Variants in MR1 observed in about 807,000 individuals in gnomAD.
MR1 encodes major histocompatibility complex class I-related protein 1.
A neutral mutation model predicts 37.8 loss-of-function variants in MR1; 44 were observed. The ratio of observed to expected loss-of-function variants is 1.16; its 90% CI spans 0.91 to 1.50. MR1 has a LOEUF of 1.50. MR1 is among the 40% of genes most tolerant of loss of function. The pLI is 0.00. For synonymous variants in MR1, 153 were observed against 155.8 expected (o/e 0.98, Z 0.13); for missense variants, 386 against 419.1 (o/e 0.92, Z 0.69).
chr1:181,043,356 C>T (rs1469075466), intron 1 of MR1, among the ~76,000 whole-genome samples: 4 of 152,180 alleles, frequency 2.6e-5, no homozygotes, highest in Non-Finnish European at 4.4e-5. Context: ...GCCCATGGGG[C>T]GGGGATACCT....
chr1:181,045,870 G>A (rs980425794), intron 1 of MR1, among the ~76,000 whole-genome samples: 9 of 152,234 alleles, frequency 5.9e-5, no homozygotes, highest in African/African-American at 2.2e-4. Flanking sequence ...TGCGGGCGGC[G>A]CTTGCGGGCC....
At chr1:181,037,964 C>A (rs890293019) in intron 1 of MR1, among the ~76,000 whole-genome samples, 1 of 151,852 alleles carries the variant, frequency 6.6e-6, no homozygotes, top group African/African-American at 2.4e-5. Context: ...AAAGATCAGG[C>A]CTTCTCCTCT....
At chr1:181,045,844 G>T (rs564236701) in intron 1 of MR1, among the ~76,000 whole-genome samples, 1 of 152,226 alleles carries the variant, frequency 6.6e-6, no homozygotes, top group Non-Finnish European at 1.5e-5. Context: ...GGAGAGGCGC[G>T]AGCGGGAACC....
At position 181,054,699 on chromosome 1, in the gene MR1, A is replaced by T. The variant is rs536473637; in HGVS notation, c.986-526A>T. On this transcript the variant is annotated intron_variant, in intron 5 of 5. Transcript: ENST00000367580. The stretch of plus-strand genomic sequence containing the variant: ...AAACCCTGCCTCTACTGAAAATATT[A>T]AAAAAAAAAAAATTAGCTGGGCGTG... 3.0e-3 allele frequency among the ~76,000 whole-genome samples: 165 copies of T among 55,650 alleles called. 1 individual carries two copies. The highest frequency in any genetic ancestry group is 3.8e-3 in the Non-Finnish European group (131 of 34,554). 36.5% of individuals were successfully genotyped at this position (55,650 alleles called of 152,430 possible). A position where few individuals can be genotyped will look rare whatever the true frequency, so the allele number is the denominator to read the frequency against.
At chr1:181,055,194 G>A (rs1220966666) in intron 5 of MR1, 31 bp from the exon 6 acceptor site, 1 of 1,608,900 alleles carries the variant, frequency 6.2e-7, no homozygotes, top group Non-Finnish European at 8.5e-7. Context: ...AAACATTCTT[G>A]TAATCTGACT....
rs536946630 is a variant in MR1 at position 181,048,141 on chromosome 1, C to T, written c.68-911C>T. Among the ~76,000 whole-genome samples the T allele has an allele frequency of 4.4e-4, 66 of 151,708 alleles. No individual in the cohort carries two copies. In the South Asian group the frequency reaches 5.6e-3, roughly 13 times the overall value. ...GCTGGGGCAGAGAATTGCTTGAACC[C>T]GGTAGGCGGAGGTTGCAGTGAGCCG... On this transcript the variant is annotated intron_variant, in intron 1 of 5. Transcript: ENST00000367580.
chr1:181,042,706 T>C (rs1344466287), intron 1 of MR1, among the ~76,000 whole-genome samples: 2 of 151,928 alleles, frequency 1.3e-5, no homozygotes, highest in Non-Finnish European at 2.9e-5. Flanking sequence ...CTTGGGAGGC[T>C]GGGGCAGGGA....
intron 1 of MR1, among the ~76,000 whole-genome samples, chr1:181,043,213 G>C (rs530230791): frequency 9.2e-5 from 14 of 152,308 alleles, no homozygotes; most frequent in African/African-American, 3.4e-4. Context: ...CCACAGGAAG[G>C]GAAGGGGGAA....
intron 2 of MR1, chr1:181,049,657 C>T: frequency 2.0e-6 from 1 of 490,502 alleles, no homozygotes; most frequent in Non-Finnish European, 3.7e-6. Context: ...TAGTGACTTG[C>T]TTATGAGTAT....
intron 1 of MR1, among the ~76,000 whole-genome samples, chr1:181,039,574 G>T (rs1657446810): frequency 6.6e-6 from 1 of 152,020 alleles, no homozygotes; most frequent in Non-Finnish European, 1.5e-5. Context: ...ATAAATAATT[G>T]CCCCCATGAG....
chr1:181,049,952 A>C (rs1200391438), intron 2 of MR1, 59 bp from the exon 3 acceptor site: 1 of 1,558,582 alleles, frequency 6.4e-7, no homozygotes, highest in African/African-American at 1.4e-5. Context: ...TGCTCCCAGC[A>C]CTTGAGAGCC....
At chr1:181,046,645 G>C (rs545337929) in intron 1 of MR1, among the ~76,000 whole-genome samples, 12 of 151,994 alleles carry the variant, frequency 7.9e-5, no homozygotes, top group Admixed American at 2.0e-4. Flanking sequence ...CAGGCTGCCC[G>C]AGCCAGCAGT....
Position 181,052,518 on chromosome 1 carries a change from C to T in MR1, c.880+8C>T, listed in dbSNP as rs376351945. The T allele has an allele frequency of 1.2e-5, 19 of 1,608,018 alleles. No homozygotes were observed. Among genetic ancestry groups the T allele is most frequent in the Middle Eastern group, 1.7e-4 (1 of 5,902 alleles). On this transcript the variant is annotated splice_region_variant and intron_variant, in intron 4 of 5. Transcript: ENST00000367580. ...TTCTTCAGGTCCCCCAGGGTAAGGA[C>T]GGGGATCGTGGCTGTCTAGGGAGAG...
At chr1:181,049,016 G>T (rs41268454) in intron 1 of MR1, 36 bp from the exon 2 acceptor site, 1 of 1,597,786 alleles carries the variant, frequency 6.3e-7, no homozygotes, top group Non-Finnish European at 8.5e-7. Flanking sequence ...GATCATCTGG[G>T]ACCCTACATG....
In MR1 at chr1:181,057,228, C is replaced by G. The variant is rs941619210; in HGVS notation, c.*1963C>G. 6.6e-6 allele frequency: 1 copy of G among 152,228 alleles called. No individual in the cohort carries two copies. The highest frequency in any genetic ancestry group is 1.5e-5 in the Non-Finnish European group (1 of 68,044). 9.4% of individuals were successfully genotyped at this position (152,228 alleles called of 1,614,324 possible). ...TGTAATTCCATATATGAAGCTACCA[C>G]TGTACATCTCTCTTTTCCGGTGCCT... On this transcript the variant is annotated 3_prime_UTR_variant, in exon 6 of 6. Transcript: ENST00000367580.
intron 1 of MR1, among the ~76,000 whole-genome samples, chr1:181,035,107 C>G (rs1425809866): frequency 2.0e-5 from 3 of 152,062 alleles, no homozygotes; most frequent in African/African-American, 4.8e-5. Context: ...TTGAAACCAG[C>G]TTGGCCATCA....
rs754597231 is a variant in MR1 at position 181,053,571 on chromosome 1, A to T, written c.881-2A>T. On this transcript the variant is annotated splice_acceptor_variant, in intron 4 of 5. Transcript: ENST00000367580. LOFTEE classifies it high-confidence loss of function. ...GATTTTTTCTCATTTGCTTGCTTTCAGAATCAGAAACTATCCCTCTTGTGA... is the reference window on the plus strand; with the variant it reads ...GATTTTTTCTCATTTGCTTGCTTTCTGAATCAGAAACTATCCCTCTTGTGA... The T allele has an allele frequency of 6.2e-7, 1 of 1,610,772 alleles. No homozygotes were observed. Among genetic ancestry groups the T allele is most frequent in the Non-Finnish European group, 8.5e-7 (1 of 1,177,066 alleles).
intron 1 of MR1, among the ~76,000 whole-genome samples, chr1:181,048,482 C>A (rs1658060823): frequency 6.6e-6 from 1 of 151,374 alleles, no homozygotes; most frequent in African/African-American, 2.4e-5. Context: ...TTGCAGTGAA[C>A]AGAGATCGTG....
intron 2 of MR1, 41 bp from the exon 3 acceptor site, chr1:181,049,970 G>T (rs758086964): frequency 1.4e-5 from 23 of 1,591,014 alleles, no homozygotes; most frequent in Non-Finnish European, 1.9e-5. Context: ...GCCCACCTCT[G>T]TCTCTGTGTG....
Sources: gnomAD v4.1 joint callset for allele counts (sites outside exome capture counted in the v4.1 genomes callset) on GRCh38, gnomAD v4.1.1 for gene constraint, MANE v1.5 for transcripts, NCBI Gene and HGNC (gene_info 2026-07-23, HGNC 2026-07-21) for gene names.